The following CNTNAP2 variants were observed in gnomAD, a reference collection of about 807,000 sequenced individuals.
CNTNAP2 encodes the protein contactin associated protein 2, also known as contactin-associated protein-like 2.
A neutral mutation model predicts 155.2 loss-of-function variants in CNTNAP2; 98 were observed. The observed-to-expected ratio is 0.63, with a 90% CI of 0.54 to 0.75. CNTNAP2 has a LOEUF of 0.75. Among genes scored for constraint, CNTNAP2 ranks in the 30% least tolerant of loss-of-function variants. CNTNAP2 has a pLI of 0.00. For synonymous variants in CNTNAP2, 651 were observed against 631.2 expected, an observed-to-expected ratio of 1.03 and a Z score of -0.47; for missense variants, 1,727 against 1,688.1, an observed-to-expected ratio of 1.02 and a Z score of -0.40.
At chr7:148,055,441 G>A (rs1288879430) in intron 15 of CNTNAP2, among the ~76,000 whole-genome samples, 2 of 152,144 alleles carry the variant, frequency 1.3e-5, no homozygotes, top group East Asian at 3.9e-4. Context: ...TATGGAGCAA[G>A]CCAAATCTTC....
At chr7:147,683,516 T>C (rs1795976731) in intron 13 of CNTNAP2, among the ~76,000 whole-genome samples, 1 of 151,858 alleles carries the variant, frequency 6.6e-6, no homozygotes, top group African/African-American at 2.4e-5. Flanking sequence ...TTAATCAATA[T>C]TTCATTAAAT....
intron 1 of CNTNAP2, among the ~76,000 whole-genome samples, chr7:146,466,358 T>C: frequency 6.6e-6 from 1 of 152,316 alleles, no homozygotes; most frequent in East Asian, 1.9e-4. Context: ...CTGTGCTGTT[T>C]CGTAGAACTT....
chr7:146,381,092 C>T (rs898651728), intron 1 of CNTNAP2, among the ~76,000 whole-genome samples: 2 of 152,010 alleles, frequency 1.3e-5, no homozygotes, highest in African/African-American at 4.8e-5. Context: ...GCCACCGCGC[C>T]CGGCCTGCAC....
At chr7:148,385,963 A>C (rs1489213278) in intron 22 of CNTNAP2, among the ~76,000 whole-genome samples, 4 of 152,104 alleles carry the variant, frequency 2.6e-5, no homozygotes, top group African/African-American at 9.7e-5. Context: ...TCCTAACCTC[A>C]GGTGATCCAC....
intron 4 of CNTNAP2, among the ~76,000 whole-genome samples, chr7:147,072,431 T>C (rs1799911310): frequency 6.6e-6 from 1 of 152,070 alleles, no homozygotes; most frequent in African/African-American, 2.4e-5. Context: ...ATCATGATCA[T>C]GTCTGCTCTG....
chr7:148,362,270 AACC>A (rs781206564), intron 21 of CNTNAP2, among the ~76,000 whole-genome samples: 3 of 151,874 alleles, frequency 2.0e-5, no homozygotes, highest in African/African-American at 4.8e-5. Flanking sequence ...GCATGGGGGA[AACC>A]ACCCCCATGA....
intron 1 of CNTNAP2, among the ~76,000 whole-genome samples, chr7:146,653,834 A>T (rs917153590): frequency 3.3e-5 from 5 of 152,118 alleles, no homozygotes; most frequent in Admixed American, 6.6e-5. Flanking sequence ...AAGGGAAAGA[A>T]ACAGAAGAAG....
intron 3 of CNTNAP2, among the ~76,000 whole-genome samples, chr7:147,026,474 A>C (rs1212394740): frequency 6.6e-6 from 1 of 152,136 alleles, no homozygotes; most frequent in Admixed American, 6.5e-5. Flanking sequence ...CAAATATAAA[A>C]TGTTTTAGAA....
rs776326011 is a variant in CNTNAP2, at chr7:148,217,444, G to C, written c.3167G>C (p.Ser1056Thr). 3.3e-5 allele frequency: 54 copies of C among 1,614,036 alleles called. No homozygotes were observed. Among genetic ancestry groups the C allele is most frequent in the Non-Finnish European group, 4.6e-5 (54 of 1,180,044 alleles). Residue 1056 changes from serine (S) to threonine (T), a missense_variant, in exon 19 of 24, where the codon AGC becomes ACC. Coordinates refer to ENST00000361727, the MANE Select transcript of CNTNAP2 (RefSeq NM_014141.6). ...LAQEEIRFSF[S>T]TTKAPCILLY... ...CAGGAGGAGATCCGCTTCAGCTTCA[G>C]CACCACCAAGGCGCCCTGCATTCTC...
intron 14 of CNTNAP2, among the ~76,000 whole-genome samples, chr7:147,940,797 A>C (rs2464856): frequency 0.45 from 68,675 of 151,966 alleles, 16,217 homozygotes; most frequent in Middle Eastern, 0.68. Flanking sequence ...CTCGGGCACC[A>C]AAAGTGCTGG....
intron 9 of CNTNAP2, chr7:147,377,915 G>T: frequency 2.4e-6 from 1 of 423,582 alleles, no homozygotes; most frequent in Non-Finnish European, 4.7e-6. Context: ...TGTTTAATTG[G>T]GATGTATTGT....
At chr7:146,707,525 C>T (rs1007887349) in intron 1 of CNTNAP2, among the ~76,000 whole-genome samples, 1 of 151,980 alleles carries the variant, frequency 6.6e-6, no homozygotes, top group African/African-American at 2.4e-5. Flanking sequence ...GAAACTCTTG[C>T]CACAGCTCTT....
At chr7:147,414,366 A>G (rs1007657640) in intron 10 of CNTNAP2, among the ~76,000 whole-genome samples, 3 of 151,234 alleles carry the variant, frequency 2.0e-5, no homozygotes, top group Non-Finnish European at 4.4e-5. Context: ...AGGGGCTGCA[A>G]TGAGCTGAGA....
chr7:148,184,633 C>A (rs928607550), intron 18 of CNTNAP2, among the ~76,000 whole-genome samples: 8 of 152,120 alleles, frequency 5.3e-5, no homozygotes, highest in Admixed American at 5.2e-4. Flanking sequence ...GGATTTATGA[C>A]CAGAAACACA....
intron 15 of CNTNAP2, among the ~76,000 whole-genome samples, chr7:148,056,118 C>T (rs1018386402): frequency 2.6e-5 from 4 of 152,132 alleles, no homozygotes; most frequent in Non-Finnish European, 5.9e-5. Context: ...GGGCTCTGTT[C>T]CCTCGCAAAT....
intron 1 of CNTNAP2, among the ~76,000 whole-genome samples, chr7:146,751,270 A>G (rs1373817319): frequency 1.3e-5 from 2 of 151,224 alleles, no homozygotes; most frequent in East Asian, 3.9e-4. Context: ...TGAGCATACA[A>G]ATTTAATTAA....
intron 15 of CNTNAP2, chr7:148,013,997 A>G (rs1440556338): frequency 6.6e-6 from 1 of 152,208 alleles, no homozygotes; most frequent in African/African-American, 2.4e-5. Flanking sequence ...ACTCAGAAAT[A>G]TATGTAATAA....
At position 147,793,508 on chromosome 7, in the gene CNTNAP2, A is replaced by G. The variant is rs558847747; in HGVS notation, c.2099-110057A>G. Among the ~76,000 whole-genome samples the G allele has an allele frequency of 5.3e-5, 8 of 152,112 alleles. No homozygotes were observed. The East Asian group carries it at 1.5e-3, about 29-fold the overall frequency. On this transcript the variant is annotated intron_variant, in intron 13 of 23. Transcript: ENST00000361727. The stretch of plus-strand genomic sequence containing the variant: ...CAGTTGACCATAACTCTGAGAGTAT[A>G]TTTCTATTTAATTGATCTATATATC...
intron 1 of CNTNAP2, among the ~76,000 whole-genome samples, chr7:146,367,437 G>A (rs1434876844): frequency 6.6e-6 from 1 of 152,076 alleles, no homozygotes; most frequent in Non-Finnish European, 1.5e-5. Context: ...TAATATAAGA[G>A]TTTAAAAAGC....
Sources: gnomAD v4.1 joint callset for allele counts (sites outside exome capture counted in the v4.1 genomes callset) on GRCh38, gnomAD v4.1.1 for gene constraint, MANE v1.5 for transcripts, NCBI Gene and HGNC (gene_info 2026-07-23, HGNC 2026-07-21) for gene names.